ATP2C2: variants seen among roughly 807,000 people sequenced by gnomAD.
ATP2C2 encodes calcium-transporting ATPase type 2C member 2.
ATP2C2 carries 171 observed loss-of-function variants against 110.8 expected under a neutral mutation model. The ratio of observed to expected loss-of-function variants is 1.54; its 90% CI spans 1.36 to 1.75. The LOEUF is 1.75. ATP2C2 is among the 40% of genes most tolerant of loss of function. ATP2C2 has a pLI of 0.00. For synonymous variants in ATP2C2, 804 were observed against 508.4 expected, an observed-to-expected ratio of 1.58 and a Z score of -7.82; for missense variants, 1,963 against 1,235.0, an observed-to-expected ratio of 1.59 and a Z score of -8.84.
At chr16:84,410,928 CT>C (rs1437662761) in intron 6 of ATP2C2, 163 bp downstream of exon 6, 35 of 683,924 alleles carry the variant, frequency 5.1e-5, no homozygotes, top group Non-Finnish European at 8.4e-5. Flanking sequence ...CAATAGGTCG[CT>C]GTGTGTCCTC....
intron 6 of ATP2C2, among the ~76,000 whole-genome samples, chr16:84,411,770 TTTTA>T (rs1906316726): frequency 6.6e-6 from 1 of 152,162 alleles, no homozygotes; most frequent in African/African-American, 2.4e-5. Flanking sequence ...TGTTATTTAA[TTTTA>T]ATTTTTATTT....
At chr16:84,437,802 C>A (rs923799701) in intron 11 of ATP2C2, among the ~76,000 whole-genome samples, 1 of 152,254 alleles carries the variant, frequency 6.6e-6, no homozygotes, top group Non-Finnish European at 1.5e-5. Context: ...AGGCGTGAGC[C>A]ACCACCCCCT....
chr16:84,412,690 T>C (rs560212077), intron 6 of ATP2C2, among the ~76,000 whole-genome samples: 1 of 152,052 alleles, frequency 6.6e-6, no homozygotes. Context: ...GAAAATGAAA[T>C]GATTTCAAAA....
In ATP2C2 at chr16:84,394,004, AAAAAAAT is replaced by A. The variant is rs894790695; in HGVS notation, c.100-4488_100-4482del. 4.4e-5 allele frequency among the ~76,000 whole-genome samples: 6 copies of A among 137,342 alleles called. 1 individual carries two copies. Among genetic ancestry groups the A allele is most frequent in the South Asian group, 2.5e-4 (1 of 4,038 alleles). 90.1% of individuals were successfully genotyped at this position (137,342 alleles called of 152,430 possible). On this transcript the variant is annotated intron_variant, in intron 1 of 26. Transcript: ENST00000262429. Reference sequence around the variant, plus strand: ...AACCTTGTCTCAATTAAAAATACCAAAAAAAATAAAAAAATAAAAAATAAAAAGGCCT... The same window carrying A: ...AACCTTGTCTCAATTAAAAATACCAAAAAAAAATAAAAAATAAAAAGGCCT...
Position 84,462,079 on chromosome 16 carries a change from A to T in ATP2C2, c.2672A>T (p.Tyr891Phe), listed in dbSNP as rs755694363. 1.3e-5 allele frequency: 21 copies of T among 1,613,826 alleles called. No individual in the cohort carries two copies. The highest frequency in any genetic ancestry group is 1.7e-5 in the Non-Finnish European group (20 of 1,179,942). ...ATCCTGGGGCAGCTGGCGGTCATTTACATCCCCCCGCTGCAGAGGGTCTTC... is the reference window on the plus strand; with the variant it reads ...ATCCTGGGGCAGCTGGCGGTCATTTTCATCCCCCCGCTGCAGAGGGTCTTC... ...GSILGQLAVI[Y>F]IPPLQRVFQT... Residue 891 changes from tyrosine (Y) to phenylalanine (F), a missense_variant, in exon 26 of 27, where the codon TAC (tyrosine) becomes TTC (phenylalanine). By Grantham distance (22) the Tyr-to-Phe change is conservative. Coordinates refer to ENST00000262429, the MANE Select transcript of ATP2C2 (RefSeq NM_014861.4).
intron 21 of ATP2C2, among the ~76,000 whole-genome samples, chr16:84,458,587 C>T (rs940574957): frequency 2.0e-5 from 3 of 152,076 alleles, no homozygotes; most frequent in Non-Finnish European, 1.5e-5. Flanking sequence ...GGTGGGGGCA[C>T]CCACGGTGCG....
chr16:84,447,990 G>A (rs1909916204), intron 16 of ATP2C2, among the ~76,000 whole-genome samples: 1 of 151,984 alleles, frequency 6.6e-6, no homozygotes, highest in South Asian at 2.1e-4. Flanking sequence ...GGGGTACAGT[G>A]TGACTCTCAC....
At chr16:84,431,253 C>G (rs1375927886) in intron 11 of ATP2C2, among the ~76,000 whole-genome samples, 2 of 152,046 alleles carry the variant, frequency 1.3e-5, no homozygotes, top group East Asian at 1.9e-4. Context: ...AATCACAGCA[C>G]TTTGGGACTC....
chr16:84,446,811 TC>T (rs1380885817), intron 16 of ATP2C2, among the ~76,000 whole-genome samples: 1 of 152,190 alleles, frequency 6.6e-6, no homozygotes, highest in Admixed American at 6.5e-5. Context: ...CAGCCTGTAA[TC>T]CAGTGACTGA....
Position 84,398,497 on chromosome 16 carries a change from A to G in ATP2C2, c.100-2A>G, listed in dbSNP as rs775813940. 5.0e-6 allele frequency: 8 copies of G among 1,596,726 alleles called. No individual in the cohort carries two copies. Among genetic ancestry groups the G allele is most frequent in the Non-Finnish European group, 6.8e-6 (8 of 1,172,484 alleles). ...TAAACAGCAACCCTGCTCTTTTCAC[A>G]GATTGATGAACAGAGTGAGCTGAAA... On this transcript the variant is annotated splice_acceptor_variant, in intron 1 of 26. Transcript: ENST00000262429. LOFTEE classifies it high-confidence loss of function.
intron 1 of ATP2C2, among the ~76,000 whole-genome samples, chr16:84,383,227 G>C (rs1910687989): frequency 6.6e-6 from 1 of 152,210 alleles, no homozygotes; most frequent in Non-Finnish European, 1.5e-5. Context: ...CAGTGCCAGG[G>C]AGGCCCAGCT....
intron 23 of ATP2C2, 132 bp from the exon 24 acceptor site, chr16:84,460,521 TG>T (rs1567467039): frequency 1.6e-6 from 2 of 1,284,452 alleles, no homozygotes; most frequent in East Asian, 2.3e-5. Flanking sequence ...GTGCGATGCC[TG>T]GGGGCGTTCA....
chr16:84,407,032 G>A (rs530883788), intron 3 of ATP2C2, among the ~76,000 whole-genome samples: 3 of 152,218 alleles, frequency 2.0e-5, no homozygotes, highest in Non-Finnish European at 2.9e-5. Flanking sequence ...CAATGCATCT[G>A]TGGGAATCCT....
At chr16:84,459,835 G>C (rs1375277497) in intron 23 of ATP2C2, 12 of 432,538 alleles carry the variant, frequency 2.8e-5, no homozygotes, top group Middle Eastern at 6.9e-4. Context: ...GTTTCATGGA[G>C]GCGGAGTTTG....
rs774194251 is a variant in ATP2C2, at chr16:84,459,130, G to A, written c.2158G>A (p.Glu720Lys). 5.0e-6 allele frequency: 8 copies of A among 1,614,024 alleles called. No homozygotes were observed. The African/African-American group carries it at 6.7e-5, about 13-fold the overall frequency. The change falls in exon 22 of 27, where the codon GAG becomes AAG. Residue 720 changes from glutamate (E) to lysine (K), a missense_variant. Physicochemically the swap from Glu to Lys is moderately conservative, Grantham distance 56. Coordinates refer to ENST00000262429, the MANE Select transcript of ATP2C2 (RefSeq NM_014861.4). ...DDFSAIMNAVEEGKGIFYNIK... is the reference protein window; with the variant it reads ...DDFSAIMNAVKEGKGIFYNIK... ...TCTCTTCTCTTGCAGGAATGCAGTG[G>A]AGGAAGGCAAGGGTATTTTTTACAA...
At chr16:84,401,043 C>T (rs971633177) in intron 2 of ATP2C2, among the ~76,000 whole-genome samples, 1 of 152,024 alleles carries the variant, frequency 6.6e-6, no homozygotes, top group Non-Finnish European at 1.5e-5. Context: ...TTGATGATTT[C>T]CTTTGCTGTG....
In ATP2C2 at chr16:84,397,655, C is replaced by CAAAAAAAAAAAAAAAA. The variant is rs58934576; in HGVS notation, c.100-841_100-826dup. Among the ~76,000 whole-genome samples the CAAAAAAAAAAAAAAAA allele has an allele frequency of 4.4e-3, 277 of 63,492 alleles. 47 individuals are homozygous for CAAAAAAAAAAAAAAAA. Among genetic ancestry groups the CAAAAAAAAAAAAAAAA allele is most frequent in the Middle Eastern group, 0.02 (2 of 102 alleles). The allele number at this position is 63,492 out of a possible 152,430, so 41.7% of individuals were successfully genotyped here. A position where few individuals can be genotyped will look rare whatever the true frequency, so the allele number is the denominator to read the frequency against. On this transcript the variant is annotated intron_variant, in intron 1 of 26. Transcript: ENST00000262429. ...CACCACTGCACTCCAGCCTGGGTGA[C>CAAAAAAAAAAAAAAAA]AAAAAAAAAAAAAAAAAACTTGCTT...
At chr16:84,408,668 C>G (rs116472287) in intron 4 of ATP2C2, among the ~76,000 whole-genome samples, 174 bp downstream of exon 4, 1,598 of 152,110 alleles carry the variant, frequency 0.011, 27 homozygotes, top group African/African-American at 0.037. Context: ...TATCAAGGTG[C>G]CCTGGTTTAT....
chr16:84,463,580 C>G (rs2241634), intron 26 of ATP2C2, 34 bp from the exon 27 acceptor site: 2 of 1,572,708 alleles, frequency 1.3e-6, no homozygotes, highest in Non-Finnish European at 1.8e-6. Flanking sequence ...AGCTGCAGCC[C>G]GTCCTGAATC....
Sources: allele counts gnomAD v4.1 joint callset (sites outside exome capture counted in the v4.1 genomes callset), GRCh38; gene constraint gnomAD v4.1.1; transcripts MANE v1.5; gene names NCBI Gene and HGNC (gene_info 2026-07-23, HGNC 2026-07-21).